MCF2L: variants seen among roughly 807,000 people sequenced by gnomAD.
MCF2L encodes the protein guanine nucleotide exchange factor DBS.
In MCF2L, 97 loss-of-function variants were observed where a neutral mutation model predicts 153.4. That is an observed-to-expected ratio of 0.63 (90% CI 0.54 to 0.75). The LOEUF (loss-of-function observed/expected upper bound fraction) is 0.75, where lower values mean the gene tolerates loss of function less well. Among genes scored for constraint, MCF2L ranks in the 30% least tolerant of loss-of-function variants. The pLI is 0.00. For missense variants in MCF2L, 1,347 were observed against 1,495.2 expected (o/e 0.90, Z 1.64); for synonymous variants, 659 against 632.2 (o/e 1.04, Z -0.64).
At chr13:112,897,447 C>G (rs534950319) in intron 1 of MCF2L, among the ~76,000 whole-genome samples, 20 of 152,292 alleles carry the variant, frequency 1.3e-4, no homozygotes, top group Non-Finnish European at 2.8e-4. Flanking sequence ...CCTGAAAGGT[C>G]GTCCCCATGG....
intron 26 of MCF2L, among the ~76,000 whole-genome samples, chr13:113,092,314 C>T (rs1187197677): frequency 6.6e-6 from 1 of 152,234 alleles, no homozygotes; most frequent in Non-Finnish European, 1.5e-5. Context: ...CTCGAGAAAG[C>T]CAGTGTGGTG....
chr13:113,011,686 C>A (rs1249195457), intron 1 of MCF2L, among the ~76,000 whole-genome samples: 7 of 109,972 alleles, frequency 6.4e-5, no homozygotes, highest in Non-Finnish European at 1.3e-4. Context: ...GGTGGACAGG[C>A]GGTGTGGACG....
intron 2 of MCF2L, among the ~76,000 whole-genome samples, chr13:113,020,513 C>T (rs907342235): frequency 4.9e-4 from 74 of 152,354 alleles, no homozygotes; most frequent in Non-Finnish European, 5.1e-4. Context: ...GGTTCTGGGG[C>T]AGGAAGTCCC....
At chr13:113,096,207 C>T (rs1595050292) in intron 27 of MCF2L, 164 bp from the exon 28 acceptor site, 1 of 624,146 alleles carries the variant, frequency 1.6e-6, no homozygotes, top group Admixed American at 2.9e-5. Flanking sequence ...TCATGCCCTG[C>T]GGCGTAGCCT....
chr13:112,931,017 C>T (rs138104547), intron 2 of MCF2L, among the ~76,000 whole-genome samples: 1 of 152,300 alleles, frequency 6.6e-6, no homozygotes, highest in African/African-American at 2.4e-5. Context: ...GAGACACAAG[C>T]CAGCTTTACT....
Position 112,993,118 on chromosome 13 carries a change from G to A in MCF2L, c.80-21645G>A, listed in dbSNP as rs998635040. Among the ~76,000 whole-genome samples, 3 of 152,252 alleles carry A rather than the reference G, an allele frequency of 2.0e-5. No homozygotes were observed. Among genetic ancestry groups the A allele is most frequent in the African/African-American group, 7.2e-5 (3 of 41,464 alleles). Reference sequence around the variant, plus strand: ...GCTTTTAAGCCAGAGATTACCACGCGCTGCCGCGGAGGGAGAGGTAGCGCG... The same window carrying A: ...GCTTTTAAGCCAGAGATTACCACGCACTGCCGCGGAGGGAGAGGTAGCGCG... On this transcript the variant is annotated intron_variant, in intron 1 of 29. Coordinates refer to ENST00000535094, the MANE Select transcript of MCF2L (RefSeq NM_001112732.3). This position sits in a 1 kb window ranked among gnomAD's most constrained non-coding sequence, Gnocchi z 4.6.
At chr13:113,090,013 G>A (rs1040614138) in intron 26 of MCF2L, 7 of 1,601,390 alleles carry the variant, frequency 4.4e-6, no homozygotes, top group African/African-American at 2.7e-5. Context: ...AGCCGGACCC[G>A]CCTCCGCATC....
intron 2 of MCF2L, among the ~76,000 whole-genome samples, chr13:112,906,936 C>G (rs2081178970): frequency 6.6e-6 from 1 of 152,160 alleles, no homozygotes; most frequent in Non-Finnish European, 1.5e-5. Context: ...CTGGGCAAAG[C>G]TTTGAGGATA....
intron 3 of MCF2L, among the ~76,000 whole-genome samples, chr13:113,034,548 C>T (rs28464357): frequency 0.2 from 30,999 of 151,502 alleles, 3,390 homozygotes; most frequent in East Asian, 0.48. Flanking sequence ...CCCTCACCCT[C>T]GCCCTGGTCT....
In MCF2L at chr13:113,074,972, C is replaced by G; in HGVS notation, c.1117-26C>G. 6.3e-7 allele frequency: 1 copy of G among 1,579,400 alleles called. No individual in the cohort carries two copies. Among genetic ancestry groups the G allele is most frequent in the Non-Finnish European group, 8.6e-7 (1 of 1,157,184 alleles). On this transcript the variant is annotated intron_variant, in intron 10 of 29. Coordinates refer to ENST00000535094, the MANE Select transcript of MCF2L (RefSeq NM_001112732.3). This position sits in a 1 kb window ranked among gnomAD's most constrained non-coding sequence, Gnocchi z 4.2. ...TGCCTCGAACAGAAAGAGGCCTGAG[C>G]TGGTCCTCTGGGTGGCCGTCCACAG...
At chr13:112,899,367 G>A (rs7139591) in intron 1 of MCF2L, among the ~76,000 whole-genome samples, 2,883 of 152,266 alleles carry the variant, frequency 0.019, 91 homozygotes, top group African/African-American at 0.066. Flanking sequence ...CAAGGGTGGC[G>A]GCGCCTGTTG....
chr13:112,956,692 G>A (rs1216478987), intron 2 of MCF2L: 3 of 152,238 alleles, frequency 2.0e-5, no homozygotes, highest in Non-Finnish European at 4.4e-5. Flanking sequence ...CAGCGAGGTT[G>A]GCCACATAGG....
At chr13:113,095,085 A>C (rs762898754) in intron 27 of MCF2L, 34 of 1,363,318 alleles carry the variant, frequency 2.5e-5, no homozygotes, top group Non-Finnish European at 3.1e-5. Context: ...TCCTAACTAT[A>C]CATACAATTC....
rs114599981 is a variant in MCF2L, at chr13:113,024,049, G to A, written c.164-595G>A. Reference sequence around the variant, plus strand: ...ATGGACTCCGTCCGGCCAAGGCAGTGTGGCAGGGTCAGTGGCCGGCTCCAG... The same window carrying A: ...ATGGACTCCGTCCGGCCAAGGCAGTATGGCAGGGTCAGTGGCCGGCTCCAG... On this transcript the variant is annotated intron_variant, in intron 2 of 29. Transcript: ENST00000535094. 3.0e-3 allele frequency among the ~76,000 whole-genome samples: 461 copies of A among 152,362 alleles called. 2 individuals carry two copies. Among genetic ancestry groups the A allele is most frequent in the African/African-American group, 0.011 (445 of 41,586 alleles).
chr13:112,940,002 C>A (rs536268379), intron 2 of MCF2L, among the ~76,000 whole-genome samples: 1 of 149,398 alleles, frequency 6.7e-6, no homozygotes, highest in Non-Finnish European at 1.5e-5. Flanking sequence ...AGGTGCAGAG[C>A]GGGCTTACAG....
intron 3 of MCF2L, among the ~76,000 whole-genome samples, chr13:113,034,850 A>T (rs1446370853): frequency 1.3e-5 from 2 of 151,958 alleles, no homozygotes; most frequent in Non-Finnish European, 2.9e-5. Flanking sequence ...GCTGTGGCCA[A>T]AGAGCCACAG....
rs551183243 is a variant in MCF2L, at chr13:112,926,567, G to A, written c.169+24196G>A. 2.0e-5 allele frequency among the ~76,000 whole-genome samples: 3 copies of A among 151,204 alleles called. No homozygotes were observed. The South Asian group carries it at 6.3e-4, about 32-fold the overall frequency. On this transcript the variant is annotated intron_variant, in intron 2 of 29. Transcript: ENST00000375608. ...CAGGGGGGTGCTGTGCCACCTGGTC[G>A]ATATGCACAGCAGAGTGCTGTGTGG...
In MCF2L at chr13:112,921,311, T is replaced by C. The variant is rs548592105; in HGVS notation, c.169+18940T>C. 6.8e-4 allele frequency among the ~76,000 whole-genome samples: 104 copies of C among 152,322 alleles called. 3 individuals are homozygous for C. The highest frequency in any genetic ancestry group is 6.2e-3 in the Admixed American group (95 of 15,306). ...AAGAAAACAGAGGTTGCAAGTTTGA[T>C]GCCTAACAACGCAGAATTCAGAGCA... On this transcript the variant is annotated intron_variant, in intron 2 of 29. Coordinates refer to the MCF2L transcript ENST00000375608.
intron 3 of MCF2L, among the ~76,000 whole-genome samples, chr13:113,039,221 A>G (rs1417619447): frequency 6.6e-6 from 1 of 152,210 alleles, no homozygotes; most frequent in Non-Finnish European, 1.5e-5. Flanking sequence ...GGACGTCCTC[A>G]GTAAGAGGAG....
Sources: allele counts gnomAD v4.1 joint callset (sites outside exome capture counted in the v4.1 genomes callset), GRCh38; gene constraint gnomAD v4.1.1; non-coding constraint Gnocchi (gnomAD v3.1); transcripts MANE v1.5; gene names NCBI Gene and HGNC (gene_info 2026-07-23, HGNC 2026-07-21).